RIPK4: variants seen among roughly 807,000 people sequenced by gnomAD.
RIPK4 encodes the protein receptor-interacting serine/threonine-protein kinase 4.
In RIPK4, 17 loss-of-function variants were observed where a neutral mutation model predicts 42.9. That is an observed-to-expected ratio of 0.40 (90% CI 0.27 to 0.59). The LOEUF (loss-of-function observed/expected upper bound fraction) is 0.59. RIPK4 is among the 20% of genes least tolerant of loss of function. RIPK4 has a pLI of 0.47. For synonymous variants in RIPK4, 498 were observed against 499.1 expected (o/e 1.00, Z 0.03); for missense variants, 897 against 1,104.4 (o/e 0.81, Z 2.66).
chr21:41,762,497 C>T (rs1223593597), intron 1 of RIPK4, among the ~76,000 whole-genome samples: 1 of 152,228 alleles, frequency 6.6e-6, no homozygotes, highest in East Asian at 1.9e-4. Flanking sequence ...ACTCCAGCGG[C>T]TTTAGGAAGC....
At chr21:41,752,779 C>A (rs1168606716) in intron 2 of RIPK4, among the ~76,000 whole-genome samples, 1 of 152,114 alleles carries the variant, frequency 6.6e-6, no homozygotes, top group Non-Finnish European at 1.5e-5. Flanking sequence ...ACAATGAGAA[C>A]ACATGGACAG....
rs2061156933 is a variant in RIPK4 at position 41,742,186 on chromosome 21, G to A, written c.1196-189C>T. Reference sequence around the variant, plus strand: ...GGTCAGTCCTAGCGGGAGCCCCGGGGCAGGCTGGCGAATGTCTCCCAGGTG... The same window carrying A: ...GGTCAGTCCTAGCGGGAGCCCCGGGACAGGCTGGCGAATGTCTCCCAGGTG... On this transcript the variant is annotated intron_variant, in intron 7 of 7. Transcript: ENST00000332512. This position sits in a 1 kb window ranked among gnomAD's most constrained non-coding sequence, Gnocchi z 5.1. 6.6e-6 allele frequency among the ~76,000 whole-genome samples: 1 copy of A among 152,154 alleles called. No individual in the cohort carries two copies. The highest frequency in any genetic ancestry group is 1.5e-5 in the Non-Finnish European group (1 of 68,020).
At chr21:41,746,838 G>A (rs764863379) in intron 4 of RIPK4, 67 bp from the exon 5 acceptor site, 1 of 1,500,724 alleles carries the variant, frequency 6.7e-7, no homozygotes, top group Non-Finnish European at 8.9e-7. Context: ...CCCTTGGGAG[G>A]AAACGACACA....
intron 1 of RIPK4, among the ~76,000 whole-genome samples, chr21:41,758,041 T>TATATATATATATAGAGAG (rs1452050960): frequency 1.7e-5 from 1 of 58,488 alleles, no homozygotes; most frequent in Non-Finnish European, 2.8e-5. Context: ...TATATATATA[T>TATATATATATATAGAGAG]AGAGAGAGAG....
chr21:41,744,339 G>C (rs897106454), intron 6 of RIPK4, among the ~76,000 whole-genome samples, 199 bp from the exon 7 acceptor site: 2 of 151,778 alleles, frequency 1.3e-5, no homozygotes, highest in East Asian at 3.9e-4. Flanking sequence ...GAGCTCAGAC[G>C]CCATGTCCAC....
At chr21:41,746,882 C>A in intron 4 of RIPK4, 111 bp from the exon 5 acceptor site, 1 of 1,262,740 alleles carries the variant, frequency 7.9e-7, no homozygotes, top group Non-Finnish European at 1.1e-6. Flanking sequence ...CATCCCCACA[C>A]CACCCCAGGG....
Position 41,741,906 on chromosome 21 carries a change from C to CTGGCTGCAGGATCT in RIPK4, c.1286_1287insAGATCCTGCAGCCA (p.Val431ProfsTer41). On this transcript the variant is annotated frameshift_variant, in exon 8 of 8. Transcript: ENST00000332512. LOFTEE classifies it low-confidence loss of function (END_TRUNC). ...CGCTGTCCAGTGCCAGGTCCACGTCCTGCGGCTGCAGGATCTTCATCAGTT... is the reference window on the plus strand; with the variant it reads ...CGCTGTCCAGTGCCAGGTCCACGTCCTGGCTGCAGGATCTTGCGGCTGCAGGATCTTCATCAGTT... 6.2e-7 allele frequency: 1 copy of CTGGCTGCAGGATCT among 1,613,610 alleles called. No individual in the cohort carries two copies. Among genetic ancestry groups the CTGGCTGCAGGATCT allele is most frequent in the Non-Finnish European group, 8.5e-7 (1 of 1,179,892 alleles).
In RIPK4 at chr21:41,742,092, T is replaced by G; in HGVS notation, c.1196-95A>C. The G allele has an allele frequency of 1.8e-6, 2 of 1,085,212 alleles. No individual in the cohort carries two copies. The highest frequency in any genetic ancestry group is 3.0e-5 in the South Asian group (2 of 66,006). The allele number at this position is 1,085,212 out of a possible 1,614,324, so 67.2% of individuals were successfully genotyped here. ...TGGCTGTGGCGCTCAGGTGGAGGAG[T>G]GCCATGGCCTCCAGGCTGCTCGCTG... is the stretch of plus-strand genomic sequence containing the variant. On this transcript the variant is annotated intron_variant, in intron 7 of 7. Transcript: ENST00000332512. This position sits in a 1 kb window ranked among gnomAD's most constrained non-coding sequence, Gnocchi z 5.1.
chr21:41,743,753 A>G, intron 7 of RIPK4, 129 bp downstream of exon 7: 1 of 1,206,024 alleles, frequency 8.3e-7, no homozygotes, highest in South Asian at 1.5e-5. Flanking sequence ...TAAGACAGAG[A>G]GAACACAAAG....
At chr21:41,763,101 AG>A (rs1417319484) in intron 1 of RIPK4, among the ~76,000 whole-genome samples, 1 of 152,108 alleles carries the variant, frequency 6.6e-6, no homozygotes, top group African/African-American at 2.4e-5. Flanking sequence ...GAACGGGAAA[AG>A]CCCCCCCTCC....
chr21:41,756,672 A>T lies in RIPK4; in HGVS notation c.327T>A (p.Ala109=). Residue 109 remains alanine, a synonymous_variant, in exon 2 of 8, where the codon GCT becomes GCA. Transcript: ENST00000332512. ...GGAGATCCCATGGCAATGGCTCCGA[A>T]GCCAGCAGCTTTTCCAGGGAGCCCG... ...METGSLEKLL[A]SEPLPWDLRF... 6.2e-7 allele frequency: 1 copy of T among 1,614,050 alleles called. No individual in the cohort carries two copies.
At chr21:41,763,348 A>AAAGAAGTCCCAAGGTTCTTCTC (rs1288236277) in intron 1 of RIPK4, among the ~76,000 whole-genome samples, 2 of 152,174 alleles carry the variant, frequency 1.3e-5, no homozygotes, top group South Asian at 4.2e-4. Context: ...AGGAACTTCT[A>AAAGAAGTCCCAAGGTTCTTCTC]AAGAAGTCCC....
chr21:41,752,216 A>G (rs1216146563), intron 2 of RIPK4, among the ~76,000 whole-genome samples: 1 of 152,196 alleles, frequency 6.6e-6, no homozygotes, highest in Admixed American at 6.5e-5. Context: ...CCTTCAAGGC[A>G]TATGGATTTT....
rs1484210456 is a variant in RIPK4, at chr21:41,742,666, G to A, written c.1196-669C>T. Among the ~76,000 whole-genome samples, 4 of 152,196 alleles carry A rather than the reference G, an allele frequency of 2.6e-5. No individual in the cohort carries two copies. Among genetic ancestry groups the A allele is most frequent in the Admixed American group, 2.0e-4 (3 of 15,272 alleles). On this transcript the variant is annotated intron_variant, in intron 7 of 7. Coordinates refer to ENST00000332512, the MANE Select transcript of RIPK4 (RefSeq NM_020639.3). This position sits in a 1 kb window ranked among gnomAD's most constrained non-coding sequence, Gnocchi z 5.1. The stretch of plus-strand genomic sequence containing the variant: ...ACGAGACTCTCCTCCGCCCTCATGT[G>A]AAACGCGTGGGGACTTGGAAGTCGG...
At position 41,753,826 on chromosome 21, in the gene RIPK4, G is replaced by C. The variant is rs564528452; in HGVS notation, c.475-2581C>G. On this transcript the variant is annotated intron_variant, in intron 2 of 7. Transcript: ENST00000332512. ...TGACCCGCGTGTGACCCTTTGAAAA[G>C]CGTCTGTTTTGGGCTAACTGGACAT... Among the ~76,000 whole-genome samples the C allele has an allele frequency of 3.9e-5, 6 of 152,310 alleles. No individual in the cohort carries two copies. In the East Asian group the frequency reaches 1.2e-3, roughly 29 times the overall value.
At chr21:41,758,041 T>TATATATAGAGAGAGAGAG (rs1452050960) in intron 1 of RIPK4, among the ~76,000 whole-genome samples, 2 of 58,488 alleles carry the variant, frequency 3.4e-5, no homozygotes, top group Non-Finnish European at 2.8e-5. Context: ...TATATATATA[T>TATATATAGAGAGAGAGAG]AGAGAGAGAG....
chr21:41,761,496 C>T (rs574350067), intron 1 of RIPK4, among the ~76,000 whole-genome samples: 1 of 152,350 alleles, frequency 6.6e-6, no homozygotes, highest in South Asian at 2.1e-4. Flanking sequence ...TGGCCTCCCT[C>T]CTCCGGACAC....
In RIPK4 at chr21:41,740,854, C is replaced by T. The variant is rs147337665; in HGVS notation, c.2339G>A (p.Arg780Gln). The T allele has an allele frequency of 1.7e-4, 278 of 1,607,128 alleles. 3 individuals carry two copies. In the African/African-American group the frequency reaches 2.7e-3, roughly 16 times the overall value. Reference sequence around the variant, plus strand: ...GGCAGCCAGCTAGGTCTTGCTTCGCCGCAGGAGCGTGGCGGCGGGGCCATG... The same window carrying T: ...GGCAGCCAGCTAGGTCTTGCTTCGCTGCAGGAGCGTGGCGGCGGGGCCATG... ...GGHGPAATLL[R>Q]RSKT The change falls in exon 8 of 8, where the codon CGG (arginine) becomes CAG (glutamine). Residue 780 changes from arginine (R) to glutamine (Q), a missense_variant. Coordinates refer to ENST00000332512, the MANE Select transcript of RIPK4 (RefSeq NM_020639.3).
Position 41,742,064 on chromosome 21 carries a change from G to C in RIPK4, c.1196-67C>G. The C allele has an allele frequency of 7.0e-7, 1 of 1,423,580 alleles. No individual in the cohort carries two copies. The highest frequency in any genetic ancestry group is 1.4e-5 in the African/African-American group (1 of 70,232). 88.2% of individuals were successfully genotyped at this position (1,423,580 alleles called of 1,614,324 possible). ...ATCCAGGGACGTGGCGTCTCTGGGA[G>C]CCTGGCTGTGGCGCTCAGGTGGAGG... On this transcript the variant is annotated intron_variant, in intron 7 of 7. Transcript: ENST00000332512. This position sits in a 1 kb window ranked among gnomAD's most constrained non-coding sequence, Gnocchi z 5.1.
Sources: allele counts gnomAD v4.1 joint callset (sites outside exome capture counted in the v4.1 genomes callset), GRCh38; gene constraint gnomAD v4.1.1; non-coding constraint Gnocchi (gnomAD v3.1); transcripts MANE v1.5; gene names NCBI Gene and HGNC (gene_info 2026-07-23, HGNC 2026-07-21).